Variants in RAPGEF6 observed in about 807,000 individuals in gnomAD.
RAPGEF6 encodes the protein Rap guanine nucleotide exchange factor 6, also known as PDZ domain containing guanine nucleotide exchange factor (GEF) 2.
Under a neutral mutation model 171.4 loss-of-function variants are expected in RAPGEF6, and 56 were observed. That is an observed-to-expected ratio of 0.33 (90% confidence interval 0.26 to 0.41). RAPGEF6 has a LOEUF of 0.41. RAPGEF6 is among the 10% of genes least tolerant of loss of function. RAPGEF6 has a pLI of 1.00. For synonymous variants in RAPGEF6, 692 were observed against 650.1 expected (o/e 1.06, Z -0.98); for missense variants, 1,674 against 1,921.4 (o/e 0.87, Z 2.41).
intron 6 of RAPGEF6, among the ~76,000 whole-genome samples, chr5:131,530,030 C>T (rs1303986812): frequency 6.6e-6 from 1 of 150,876 alleles, no homozygotes; most frequent in Admixed American, 6.6e-5. Flanking sequence ...ACCTCAACCT[C>T]CCGAGTAGCT....
chr5:131,625,811 C>CAAAA (rs36057060), intron 1 of RAPGEF6, among the ~76,000 whole-genome samples: 1 of 113,704 alleles, frequency 8.8e-6, no homozygotes, highest in Non-Finnish European at 1.7e-5. Context: ...GACTCCGTCT[C>CAAAA]AAAAAAAAAA....
chr5:131,498,589 T>C lies in RAPGEF6; in HGVS notation c.1273A>G (p.Ile425Val). 4.3e-6 allele frequency: 7 copies of C among 1,613,600 alleles called. No homozygotes were observed. The highest frequency in any genetic ancestry group is 8.5e-7 in the Non-Finnish European group (1 of 1,179,818). ...IVIKATPERL[I>V]MHLIEEHSIV... ...GAATGTTCTTCTATTAAATGCATTA[T>C]GAGACGCTCAGGTGTTGCCTAAAAA... Residue 425 changes from isoleucine (I) to valine (V), a missense_variant, in exon 12 of 28, where the codon ATA becomes GTA. By Grantham distance (29) the Ile-to-Val change is conservative (BLOSUM62 3). Around this residue, in one of 3 missense-constraint regions of RAPGEF6, gnomAD observed 1,116 missense variants for 1,321.5 expected, o/e 0.84. Coordinates refer to ENST00000509018, the MANE Select transcript of RAPGEF6 (RefSeq NM_016340.6).
chr5:131,442,256 C>G, intron 23 of RAPGEF6, 93 bp downstream of exon 23: 1 of 1,248,546 alleles, frequency 8.0e-7, no homozygotes, highest in Non-Finnish European at 1.1e-6. Context: ...CAACCTACAA[C>G]AGCTTATCTC....
At chr5:131,604,722 A>G (rs374935348) in intron 1 of RAPGEF6, 29 bp from the exon 2 acceptor site, 1 of 1,579,290 alleles carries the variant, frequency 6.3e-7, no homozygotes, top group African/African-American at 1.4e-5. Flanking sequence ...AAATTAGATT[A>G]TTTTTCAAAT....
At position 131,612,999 on chromosome 5, in the gene RAPGEF6, C is replaced by T. The variant is rs76590742; in HGVS notation, c.70-8306G>A. The stretch of plus-strand genomic sequence containing the variant: ...TCACTTTAAATCTGAAAAGCCCCTC[C>T]TCAAAGAGCTTCAAATATTTGTTTG... On this transcript the variant is annotated intron_variant, in intron 1 of 27. Coordinates refer to ENST00000509018, the MANE Select transcript of RAPGEF6 (RefSeq NM_016340.6). Among the ~76,000 whole-genome samples the T allele has an allele frequency of 7.5e-3, 1,138 of 152,288 alleles. 15 individuals are homozygous for T. The highest frequency in any genetic ancestry group is 0.027 in the African/African-American group (1,105 of 41,550).
chr5:131,529,337 G>T (rs965432993), intron 6 of RAPGEF6, among the ~76,000 whole-genome samples: 1 of 151,990 alleles, frequency 6.6e-6, no homozygotes, highest in Non-Finnish European at 1.5e-5. Context: ...TTAGCCGGGA[G>T]TGGTGGCAGA....
chr5:131,469,902 G>T (rs1371693207), intron 17 of RAPGEF6: 5 of 1,021,914 alleles, frequency 4.9e-6, no homozygotes, highest in African/African-American at 3.3e-5. Context: ...CTTTCATTTT[G>T]ATCTAGTAAT....
chr5:131,540,196 C>T (rs1760041906), intron 6 of RAPGEF6, among the ~76,000 whole-genome samples: 1 of 152,158 alleles, frequency 6.6e-6, no homozygotes, highest in African/African-American at 2.4e-5. Context: ...ATGAGGTAGT[C>T]TACTAAGGAA....
intron 7 of RAPGEF6, among the ~76,000 whole-genome samples, chr5:131,516,259 T>A (rs1250462552): frequency 6.6e-6 from 1 of 151,958 alleles, no homozygotes; most frequent in Non-Finnish European, 1.5e-5. Context: ...TTTTTTTGTA[T>A]TTTTAGTAGA....
intron 25 of RAPGEF6, among the ~76,000 whole-genome samples, chr5:131,432,001 A>G (rs1751738696): frequency 6.6e-6 from 1 of 152,084 alleles, no homozygotes. Flanking sequence ...AACTTCCCCA[A>G]TTACCCATGA....
intron 1 of RAPGEF6, among the ~76,000 whole-genome samples, chr5:131,624,980 G>A (rs187985778): frequency 3.3e-5 from 5 of 151,764 alleles, no homozygotes; most frequent in South Asian, 2.1e-4. Flanking sequence ...AAAAGTAGCC[G>A]GGCATGGGTG....
Position 131,572,466 on chromosome 5 carries a change from G to T in RAPGEF6, c.282-10419C>A, listed in dbSNP as rs983276809. Among the ~76,000 whole-genome samples, 3 of 152,124 alleles carry T rather than the reference G, an allele frequency of 2.0e-5. No individual in the cohort carries two copies. The East Asian group carries it at 5.8e-4, about 29-fold the overall frequency. On this transcript the variant is annotated intron_variant, in intron 4 of 27. Coordinates refer to ENST00000509018, the MANE Select transcript of RAPGEF6 (RefSeq NM_016340.6). ...CTGAGCATTTAAAAACTCTGACGTC[G>T]GTTACTGACTTGGGAAGACACATCT...
intron 1 of RAPGEF6, among the ~76,000 whole-genome samples, chr5:131,614,674 T>C (rs1014025877): frequency 8.5e-5 from 13 of 152,184 alleles, no homozygotes; most frequent in Admixed American, 7.9e-4. Context: ...AGCCAAACCA[T>C]ATCAAGGGTC....
intron 4 of RAPGEF6, among the ~76,000 whole-genome samples, chr5:131,577,333 G>A (rs1762665789): frequency 1.3e-5 from 2 of 152,092 alleles, no homozygotes; most frequent in African/African-American, 2.4e-5. Flanking sequence ...ACCAAACTCA[G>A]CCTCCAAATT....
chr5:131,611,357 T>C (rs1056595179), intron 1 of RAPGEF6, among the ~76,000 whole-genome samples: 3 of 152,228 alleles, frequency 2.0e-5, no homozygotes, highest in Non-Finnish European at 4.4e-5. Flanking sequence ...AAATATTTAG[T>C]TTTCTAGTAT....
chr5:131,548,061 T>C lies in RAPGEF6; in HGVS notation c.481A>G (p.Asn161Asp). 11 of 1,613,876 alleles carry C rather than the reference T, an allele frequency of 6.8e-6. No homozygotes were observed. The highest frequency in any genetic ancestry group is 9.3e-6 in the Non-Finnish European group (11 of 1,179,914). The change falls in exon 6 of 28, where the codon AAC (asparagine) becomes GAC (aspartate). Residue 161 changes from asparagine to aspartate, a missense_variant. By Grantham distance (23) the Asn-to-Asp change is conservative. Around this residue, in one of 3 missense-constraint regions of RAPGEF6, gnomAD observed 1,116 missense variants for 1,321.5 expected, o/e 0.84. Transcript: ENST00000509018. ...RQTITDDVEV[N>D]SYLSLPADLT... ...AATATACTCACAGAAAGATAGCTGT[T>C]AACCTCCACATCATCAGTAATGGTT...
At chr5:131,531,396 T>C (rs1189411329) in intron 6 of RAPGEF6, among the ~76,000 whole-genome samples, 1 of 152,224 alleles carries the variant, frequency 6.6e-6, no homozygotes, top group East Asian at 1.9e-4. Context: ...CCACTGTGTA[T>C]AATAAAACTC....
intron 1 of RAPGEF6, among the ~76,000 whole-genome samples, chr5:131,634,370 C>T (rs914687581): frequency 1.2e-4 from 18 of 151,860 alleles, no homozygotes; most frequent in African/African-American, 4.4e-4. Context: ...TAACTGTTAA[C>T]TCGACACAGC....
At position 131,601,914 on chromosome 5, in the gene RAPGEF6, A is replaced by G. The variant is rs1310467113; in HGVS notation, c.197+1357T>C. On this transcript the variant is annotated intron_variant, in intron 3 of 27. Coordinates refer to ENST00000509018, the MANE Select transcript of RAPGEF6 (RefSeq NM_016340.6). The stretch of plus-strand genomic sequence containing the variant: ...GCTGGGCATGGTGGTGGGCACCTGT[A>G]GTCCCAGCTACTCAGGAGGCTGAGG... 2.0e-5 allele frequency among the ~76,000 whole-genome samples: 3 copies of G among 152,058 alleles called. No individual in the cohort carries two copies. The East Asian group carries it at 5.8e-4, about 29-fold the overall frequency.
Sources: allele counts gnomAD v4.1 joint callset (sites outside exome capture counted in the v4.1 genomes callset), GRCh38; gene constraint gnomAD v4.1.1; regional missense constraint gnomAD v4.1.1; transcripts MANE v1.5; gene names NCBI Gene and HGNC (gene_info 2026-07-23, HGNC 2026-07-21).